The following FANCB variants were observed in gnomAD, a reference collection of about 807,000 sequenced individuals.
The protein encoded by FANCB is Fanconi anemia group B protein.
FANCB carries 5 observed loss-of-function variants against 38.9 expected under a neutral mutation model. The observed-to-expected ratio is 0.13, with a 90% confidence interval of 0.07 to 0.27. The LOEUF (loss-of-function observed/expected upper bound fraction) is 0.27. Ranked by LOEUF, FANCB falls within the 10% of genes least tolerant of loss-of-function variation. FANCB has a pLI of 1.00. For missense variants in FANCB, 573 were observed against 602.7 expected, an observed-to-expected ratio of 0.95 and a Z score of 0.52; for synonymous variants, 236 against 215.4, an observed-to-expected ratio of 1.10 and a Z score of -0.84.
At chrX:14,791,740 G>A in the FANCB span, among the ~76,000 whole-genome samples, 1 of 111,908 alleles carries the variant, frequency 8.9e-6, no homozygotes, top group Non-Finnish European at 1.9e-5. Context: ...GAATGCAAAT[G>A]GAATACAAAT....
intron 7 of FANCB, among the ~76,000 whole-genome samples, chrX:14,850,178 C>T (rs1472670817): frequency 5.4e-5 from 6 of 110,871 alleles, no homozygotes; most frequent in Non-Finnish European, 3.8e-5. Flanking sequence ...GGCAAAACTC[C>T]GTGTCTACTA....
chrX:14,709,102 G>A, the FANCB span, among the ~76,000 whole-genome samples: 2 of 111,281 alleles, frequency 1.8e-5, no homozygotes, highest in African/African-American at 3.3e-5. Context: ...GGGCCCAGTG[G>A]TGCATGCCTG....
the FANCB span, among the ~76,000 whole-genome samples, chrX:14,754,695 G>T: frequency 1.8e-5 from 2 of 110,404 alleles, no homozygotes; most frequent in Admixed American, 1.9e-4. Flanking sequence ...GAGATTTTTA[G>T]TTTTTTTAAT....
the FANCB span, among the ~76,000 whole-genome samples, chrX:14,723,246 G>A: frequency 8.9e-6 from 1 of 111,932 alleles, no homozygotes; most frequent in Admixed American, 9.5e-5. Flanking sequence ...CTTTCTCATT[G>A]AATGGCATTA....
the FANCB span, among the ~76,000 whole-genome samples, chrX:14,760,319 G>T: frequency 1.8e-5 from 2 of 111,969 alleles, no homozygotes; most frequent in African/African-American, 6.5e-5. Context: ...AATACCACAT[G>T]ATCTCACTCA....
the FANCB span, among the ~76,000 whole-genome samples, chrX:14,723,863 T>C: frequency 4.4e-5 from 5 of 112,376 alleles, no homozygotes; most frequent in African/African-American, 1.6e-4. Flanking sequence ...TAATTTTCCT[T>C]CAGAGCCCTT....
At chrX:14,807,452 T>C in the FANCB span, among the ~76,000 whole-genome samples, 1 of 112,492 alleles carries the variant, frequency 8.9e-6, no homozygotes, top group Non-Finnish European at 1.9e-5. Flanking sequence ...GTTCAAGGAT[T>C]CCTGAAGAGT....
At chrX:14,770,084 G>A in the FANCB span, among the ~76,000 whole-genome samples, 1 of 112,443 alleles carries the variant, frequency 8.9e-6, no homozygotes, top group East Asian at 2.8e-4. Flanking sequence ...TAGAGTAAGT[G>A]CCATGTGGGC....
the FANCB span, among the ~76,000 whole-genome samples, chrX:14,753,018 C>T: frequency 2.0e-4 from 21 of 107,631 alleles, no homozygotes; most frequent in African/African-American, 6.5e-4. Context: ...CACACACACA[C>T]ACACACACAC....
At chrX:14,804,043 A>C in the FANCB span, among the ~76,000 whole-genome samples, 1 of 112,111 alleles carries the variant, frequency 8.9e-6, no homozygotes, top group East Asian at 2.8e-4. Context: ...GTGGGACTGT[A>C]AACTAGTTCA....
chrX:14,825,341 G>A, the FANCB span, among the ~76,000 whole-genome samples: 1 of 111,522 alleles, frequency 9.0e-6, no homozygotes, highest in Non-Finnish European at 1.9e-5. Context: ...TCAATTGTGT[G>A]TATGTCTCAC....
At chrX:14,859,628 A>G (rs2092438184) in intron 3 of FANCB, among the ~76,000 whole-genome samples, 1 of 111,984 alleles carries the variant, frequency 8.9e-6, no homozygotes. Context: ...ATCTATTTAT[A>G]AGTTCTAACA....
downstream of FANCB, among the ~76,000 whole-genome samples, chrX:14,841,869 T>A (rs140536925): frequency 3.0e-3 from 341 of 112,060 alleles, 1 homozygote; most frequent in African/African-American, 1.0e-2. Context: ...CATATCTGTA[T>A]CTTTTGGTTG....
At chrX:14,727,192 CCA>C in the FANCB span, among the ~76,000 whole-genome samples, 2 of 111,287 alleles carry the variant, frequency 1.8e-5, no homozygotes, top group African/African-American at 6.5e-5. Flanking sequence ...GTTCTCATCC[CCA>C]GAGACTGGTC....
At chrX:14,732,842 G>A in the FANCB span, among the ~76,000 whole-genome samples, 5 of 111,959 alleles carry the variant, frequency 4.5e-5, no homozygotes, top group Non-Finnish European at 7.5e-5. Context: ...TGTTGATTCT[G>A]ATGATATTTT....
chrX:14,826,179 T>C, the FANCB span, among the ~76,000 whole-genome samples: 2 of 112,105 alleles, frequency 1.8e-5, no homozygotes, highest in Non-Finnish European at 3.8e-5. Context: ...CACAGAACTA[T>C]GAAAATATTC....
chrX:14,734,893 C>T, the FANCB span, among the ~76,000 whole-genome samples: 1 of 109,310 alleles, frequency 9.1e-6, no homozygotes, highest in South Asian at 4.0e-4. Context: ...TTCACATAGT[C>T]CCATATTTCT....
At chrX:14,729,688 C>G in the FANCB span, among the ~76,000 whole-genome samples, 23 of 110,951 alleles carry the variant, frequency 2.1e-4, no homozygotes, top group African/African-American at 7.2e-4. Context: ...AAGGGGCTCA[C>G]CTTAGATGTA....
At chrX:14,702,974 C>T in the FANCB span, among the ~76,000 whole-genome samples, 1 of 111,257 alleles carries the variant, frequency 9.0e-6, no homozygotes, top group East Asian at 2.8e-4. Context: ...TGCTCAGCTG[C>T]ACAGTGGGGG....
Sources: gnomAD v4.1 joint callset for allele counts (sites outside exome capture counted in the v4.1 genomes callset) on GRCh38, gnomAD v4.1.1 for gene constraint, MANE v1.5 for transcripts, NCBI Gene and HGNC (gene_info 2026-07-23, HGNC 2026-07-21) for gene names.